The following PPP1R9B variants were observed in gnomAD, a reference collection of about 807,000 sequenced individuals.
The protein encoded by PPP1R9B is neurabin-2.
Under a neutral mutation model 75.8 loss-of-function variants are expected in PPP1R9B, and 17 were observed. The ratio of observed to expected loss-of-function variants is 0.22; its 90% CI spans 0.15 to 0.34. The LOEUF is 0.34. Among genes scored for constraint, PPP1R9B ranks in the 10% least tolerant of loss-of-function variants. The pLI is 1.00. For missense variants in PPP1R9B, 875 were observed against 1,196.0 expected (o/e 0.73, Z 3.96); for synonymous variants, 509 against 535.4 (o/e 0.95, Z 0.68).
rs200300107 is a variant in PPP1R9B, at chr17:50,149,182, G to A, written c.1332C>T (p.Ala444=). The change falls in exon 1 of 10, where the codon GCC becomes GCT. Residue 444 remains alanine (A), a synonymous_variant. Transcript: ENST00000612501. This position sits in a 1 kb window ranked among gnomAD's most constrained non-coding sequence, Gnocchi z 7.2. The stretch of plus-strand genomic sequence containing the variant: ...TGCTGAAATGGATCTTCCGGCTCGG[G>A]GCTGGGTCCTCCTCCTCCGACAGCC... ...IPGLSEEEDP[A]PSRKIHFSTA... is the part of the protein sequence containing the mutation. 894 of 1,577,116 alleles carry A rather than the reference G, an allele frequency of 5.7e-4. 2 individuals carry two copies. The highest frequency in any genetic ancestry group is 6.7e-4 in the Non-Finnish European group (775 of 1,161,710).
chr17:50,138,262 T>C (rs562158051), intron 7 of PPP1R9B, among the ~76,000 whole-genome samples: 1 of 151,722 alleles, frequency 6.6e-6, no homozygotes, highest in East Asian at 2.0e-4. Flanking sequence ...AGAATATGCA[T>C]GCCCTGTGAC....
chr17:50,140,063 C>T, intron 5 of PPP1R9B, 30 bp downstream of exon 5: 1 of 1,609,438 alleles, frequency 6.2e-7, no homozygotes, highest in Non-Finnish European at 8.5e-7. Context: ...AGGGGGCGAC[C>T]ACGCGGCCAG....
intron 7 of PPP1R9B, among the ~76,000 whole-genome samples, chr17:50,138,475 G>A (rs1912286661): frequency 6.6e-6 from 1 of 151,840 alleles, no homozygotes. Flanking sequence ...ATGTGCCTGG[G>A]GCCAGGCTGC....
At position 50,140,127 on chromosome 17, in the gene PPP1R9B, T is replaced by C; in HGVS notation, c.1832A>G (p.Gln611Arg). The C allele has an allele frequency of 6.2e-7, 1 of 1,613,512 alleles. No individual in the cohort carries two copies. The highest frequency in any genetic ancestry group is 1.7e-5 in the Admixed American group (1 of 59,954). Residue 611 changes from glutamine (Q) to arginine (R), a missense_variant, in exon 5 of 10, where the codon CAG becomes CGG. Transcript: ENST00000612501. ...QERWQREMME[Q>R]RYAQYGEDDE... is the part of the protein sequence containing the mutation. ...ATCCTCCCCATACTGGGCGTATCTC[T>C]GCTCCATCATCTCCCGCTGCCATCG...
In PPP1R9B at chr17:50,139,579, C is replaced by T. The variant is rs1569116; in HGVS notation, c.1869G>A (p.Thr623=). ...CATCCTCGTCAGTGGCATACTCTCC[C>T]GTCTGCGAAGGGAGACCGGAGACTG... ...YAQYGEDDEE[T]GEYATDEDEE... The change falls in exon 6 of 10, where the codon ACG becomes ACA. Residue 623 remains threonine (T), a splice_region_variant and synonymous_variant. Transcript: ENST00000612501. This position sits in a 1 kb window ranked among gnomAD's most constrained non-coding sequence, Gnocchi z 5.0. 0.14 allele frequency: 223,619 copies of T among 1,546,320 alleles called. 17,613 individuals are homozygous for T. The highest frequency in any genetic ancestry group is 0.25 in the African/African-American group (17,895 of 72,812).
chr17:50,135,938 G>GGCCCCCCCCC, intron 8 of PPP1R9B, 30 bp downstream of exon 8: 1 of 1,419,242 alleles, frequency 7.0e-7, no homozygotes, highest in Non-Finnish European at 9.7e-7. Context: ...TGCTCCCTGG[G>GGCCCCCCCCC]CCCAGCCCGC....
Position 50,136,148 on chromosome 17 carries a change from T to C in PPP1R9B, c.2123A>G (p.Gln708Arg). The C allele has an allele frequency of 6.2e-7, 1 of 1,605,084 alleles. No individual in the cohort carries two copies. The change falls in exon 8 of 10, where the codon CAG becomes CGG. Residue 708 changes from glutamine (Q) to arginine (R), a missense_variant. Gln to Arg is a conservative substitution (Grantham distance 43). This residue lies in a region of PPP1R9B where 218 missense variants were observed against 334.6 expected (regional missense o/e 0.65). Coordinates refer to ENST00000612501, the MANE Select transcript of PPP1R9B (RefSeq NM_032595.5). ...EKGRWRVEKA[Q>R]LEQSVEENKE... The stretch of plus-strand genomic sequence containing the variant: ...GTTCTCCTCCACACTCTGCTCCAAC[T>C]GCGCCTTCTCCACCCGCCAGCGCCC...
At position 50,139,640 on chromosome 17, in the gene PPP1R9B, GAC is replaced by G; in HGVS notation, c.1867-61_1867-60del. 1 of 1,495,540 alleles carries G rather than the reference GAC, an allele frequency of 6.7e-7. No individual in the cohort carries two copies. Among genetic ancestry groups the G allele is most frequent in the Non-Finnish European group, 8.9e-7 (1 of 1,117,852 alleles). 92.6% of individuals were successfully genotyped at this position (1,495,540 alleles called of 1,614,324 possible). A position where few individuals can be genotyped will look rare whatever the true frequency, so the allele number is the denominator to read the frequency against. ...CCACCCAGCTGCCCTCAGCCCTGAT[GAC>G]CAGGGCTGGGACCAGTTGCCCATGC... is the stretch of plus-strand genomic sequence containing the variant. On this transcript the variant is annotated intron_variant, in intron 5 of 9. Transcript: ENST00000612501. The surrounding 1 kb of genome is among the most constrained non-coding windows in gnomAD (Gnocchi z 5.0).
At position 50,149,090 on chromosome 17, in the gene PPP1R9B, C is replaced by T; in HGVS notation, c.1371+53G>A. 1 of 1,305,488 alleles carries T rather than the reference C, an allele frequency of 7.7e-7. No individual in the cohort carries two copies. Among genetic ancestry groups the T allele is most frequent in the Non-Finnish European group, 9.9e-7 (1 of 1,007,016 alleles). The allele number at this position is 1,305,488 out of a possible 1,614,324, so 80.9% of individuals were successfully genotyped here. On this transcript the variant is annotated intron_variant, in intron 1 of 9. Transcript: ENST00000612501. The surrounding 1 kb of genome is among the most constrained non-coding windows in gnomAD (Gnocchi z 7.2). ...CTGGCTGGCTGGCGAGCGGGGGCGGCCGCGTGCACGTGGCAGGGGCGGCGC... is the reference window on the plus strand; with the variant it reads ...CTGGCTGGCTGGCGAGCGGGGGCGGTCGCGTGCACGTGGCAGGGGCGGCGC...
Position 50,135,760 on chromosome 17 carries a change from A to C in PPP1R9B, c.2304-111T>G. ...GGCAACTCTGTCCTTCCCTGTTCTC[A>C]GGTCAGGAGGCCCCAGGTTTTCCCA... On this transcript the variant is annotated intron_variant, in intron 8 of 9. Transcript: ENST00000612501. 3.9e-6 allele frequency: 4 copies of C among 1,020,478 alleles called. No individual in the cohort carries two copies. In the South Asian group the frequency reaches 4.6e-5, roughly 12 times the overall value. The allele number at this position is 1,020,478 out of a possible 1,614,324, so 63.2% of individuals were successfully genotyped here. A position where few individuals can be genotyped will look rare whatever the true frequency, so the allele number is the denominator to read the frequency against.
rs959663023 is a variant in PPP1R9B at position 50,136,699 on chromosome 17, G to A, written c.2074-502C>T. Among the ~76,000 whole-genome samples the A allele has an allele frequency of 2.0e-5, 3 of 152,186 alleles. No individual in the cohort carries two copies. The South Asian group carries it at 6.2e-4, about 32-fold the overall frequency. On this transcript the variant is annotated intron_variant, in intron 7 of 9. Transcript: ENST00000612501. ...CCTGGTTCTCTCCCAGCTTCCAGGT[G>A]ACCCCAGCGCAGACCTCCAGTCCCC...
At chr17:50,148,097 G>A (rs1017691767) in intron 1 of PPP1R9B, among the ~76,000 whole-genome samples, 9 of 151,974 alleles carry the variant, frequency 5.9e-5, no homozygotes, top group Non-Finnish European at 7.4e-5. Flanking sequence ...TGCTAGCCAA[G>A]AGTGGAGGGT....
At chr17:50,136,253 AC>A in intron 7 of PPP1R9B, 56 bp from the exon 8 acceptor site, 2 of 1,479,154 alleles carry the variant, frequency 1.4e-6, no homozygotes, top group Non-Finnish European at 1.8e-6. Context: ...GCCAAAGGGT[AC>A]CCCCATCCTA....
chr17:50,139,141 A>C lies in PPP1R9B; in HGVS notation c.2073+122T>G. The C allele has an allele frequency of 1.9e-6, 2 of 1,076,580 alleles. No homozygotes were observed. Among genetic ancestry groups the C allele is most frequent in the East Asian group, 4.7e-5 (2 of 42,270 alleles). 66.7% of individuals were successfully genotyped at this position (1,076,580 alleles called of 1,614,324 possible). A position where few individuals can be genotyped will look rare whatever the true frequency, so the allele number is the denominator to read the frequency against. On this transcript the variant is annotated intron_variant, in intron 7 of 9. Transcript: ENST00000612501. This position sits in a 1 kb window ranked among gnomAD's most constrained non-coding sequence, Gnocchi z 5.0. ...TATCTATCATATCATCTTGCTTTAGAGCAGCTTGTTCTGTGGGTACCTGTG... is the reference window on the plus strand; with the variant it reads ...TATCTATCATATCATCTTGCTTTAGCGCAGCTTGTTCTGTGGGTACCTGTG...
chr17:50,146,026 G>C, intron 1 of PPP1R9B: 1 of 152,532 alleles, frequency 6.6e-6, no homozygotes, highest in East Asian at 1.9e-4. Flanking sequence ...ATGTGCTAGG[G>C]GGCCCAGGAG....
At chr17:50,147,477 C>T (rs188943210) in intron 1 of PPP1R9B, among the ~76,000 whole-genome samples, 51 of 152,352 alleles carry the variant, frequency 3.3e-4, no homozygotes, top group Middle Eastern at 3.4e-3. Flanking sequence ...CCGCCACACA[C>T]GCTGGCTCTC....
At chr17:50,143,128 G>C (rs1421865956) in intron 3 of PPP1R9B, among the ~76,000 whole-genome samples, 3 of 152,152 alleles carry the variant, frequency 2.0e-5, no homozygotes, top group Admixed American at 6.5e-5. Context: ...TACCTTTTGT[G>C]TGTCCATTTA....
In PPP1R9B at chr17:50,142,198, T is replaced by C. The variant is rs62060038; in HGVS notation, c.1626-825A>G. On this transcript the variant is annotated intron_variant, in intron 3 of 9. Coordinates refer to ENST00000612501, the MANE Select transcript of PPP1R9B (RefSeq NM_032595.5). This position sits in a 1 kb window ranked among gnomAD's most constrained non-coding sequence, Gnocchi z 4.1. The stretch of plus-strand genomic sequence containing the variant: ...CAAGGGGAGGTTCAGTCTGGCCTGC[T>C]GAGGGAGATGGAGGGTGGGGGGCCT... 0.37 allele frequency among the ~76,000 whole-genome samples: 55,629 copies of C among 152,000 alleles called. 11,570 individuals are homozygous for C. The highest frequency in any genetic ancestry group is 0.58 in the African/African-American group (23,857 of 41,442).
At position 50,135,958 on chromosome 17, in the gene PPP1R9B, A is replaced by G; in HGVS notation, c.2303+10T>C. On this transcript the variant is annotated intron_variant, in intron 8 of 9. Transcript: ENST00000612501. ...CCTGGGCCCAGCCCGCCCAGCCCCC[A>G]GCCACGTACTTCTGCTGGTAGTCCT... is the stretch of plus-strand genomic sequence containing the variant. The G allele has an allele frequency of 1.1e-6, 1 of 885,924 alleles. No homozygotes were observed. The highest frequency in any genetic ancestry group is 1.7e-6 in the Non-Finnish European group (1 of 586,360). The allele number at this position is 885,924 out of a possible 1,614,324, so 54.9% of individuals were successfully genotyped here.
Sources: allele counts gnomAD v4.1 joint callset (sites outside exome capture counted in the v4.1 genomes callset), GRCh38; gene constraint gnomAD v4.1.1; regional missense constraint gnomAD v4.1.1; non-coding constraint Gnocchi (gnomAD v3.1); transcripts MANE v1.5; gene names NCBI Gene and HGNC (gene_info 2026-07-23, HGNC 2026-07-21).